The following TMA16 variants were observed in gnomAD, a reference collection of about 807,000 sequenced individuals.
TMA16 encodes translation machinery associated 16 homolog, also known as translation machinery-associated protein 16.
Under a neutral mutation model 27.1 loss-of-function variants are expected in TMA16, and 26 were observed. The observed-to-expected ratio is 0.96, with a 90% confidence interval of 0.70 to 1.33. The LOEUF is 1.33. Among genes scored for constraint, TMA16 ranks in the 40% most tolerant of loss-of-function variants. The probability of loss-of-function intolerance (pLI) is 0.00; values close to 1 mark genes in which losing one functional copy is unlikely to be tolerated. For synonymous variants in TMA16, 71 were observed against 81.9 expected, an observed-to-expected ratio of 0.87 and a Z score of 0.72; for missense variants, 233 against 241.4, an observed-to-expected ratio of 0.97 and a Z score of 0.23.
chr4:163,518,093 G>A (rs1046022691), intron 6 of TMA16, among the ~76,000 whole-genome samples: 8 of 152,028 alleles, frequency 5.3e-5, no homozygotes, highest in Non-Finnish European at 1.0e-4. Context: ...CAGGTAGTGA[G>A]CATAGCACCC....
intron 1 of TMA16, among the ~76,000 whole-genome samples, chr4:163,495,339 AAGC>A (rs1291316253): frequency 6.6e-6 from 1 of 152,198 alleles, no homozygotes; most frequent in East Asian, 1.9e-4. Context: ...AGTGTTACTA[AAGC>A]ACATTTCAAG....
chr4:163,502,522 A>G (rs745567902), intron 1 of TMA16, among the ~76,000 whole-genome samples: 7 of 152,184 alleles, frequency 4.6e-5, no homozygotes, highest in African/African-American at 9.6e-5. Context: ...AGTGCAGTAC[A>G]TTATTAGGTG....
chr4:163,510,390 C>A (rs969410998), intron 2 of TMA16, among the ~76,000 whole-genome samples: 1 of 152,124 alleles, frequency 6.6e-6, no homozygotes, highest in Non-Finnish European at 1.5e-5. Flanking sequence ...CAGTCCTCAC[C>A]CTCTACCCCT....
At chr4:163,498,209 A>G (rs1737589847) in intron 1 of TMA16, among the ~76,000 whole-genome samples, 1 of 151,910 alleles carries the variant, frequency 6.6e-6, no homozygotes, top group African/African-American at 2.4e-5. Context: ...ATACTGCTGC[A>G]TTGATTATTT....
chr4:163,506,700 T>G (rs931102140), intron 1 of TMA16, among the ~76,000 whole-genome samples: 6 of 152,166 alleles, frequency 3.9e-5, no homozygotes, highest in African/African-American at 7.2e-5. Flanking sequence ...GTAACAAATT[T>G]CTGGCTGTGA....
intron 1 of TMA16, among the ~76,000 whole-genome samples, chr4:163,501,757 A>G (rs1484722569): frequency 1.3e-5 from 2 of 152,190 alleles, no homozygotes; most frequent in Non-Finnish European, 1.5e-5. Context: ...TCTGATTTAA[A>G]CATTAACTTC....
chr4:163,504,032 GA>G (rs1198068139), intron 1 of TMA16, among the ~76,000 whole-genome samples: 1 of 152,118 alleles, frequency 6.6e-6, no homozygotes. Flanking sequence ...AAGCTATGAG[GA>G]CGTTTTTATA....
At chr4:163,518,313 T>C (rs2110816189) in intron 6 of TMA16, among the ~76,000 whole-genome samples, 1 of 152,320 alleles carries the variant, frequency 6.6e-6, no homozygotes, top group South Asian at 2.1e-4. Context: ...ATACCCTTCT[T>C]GATAGCAGCC....
At chr4:163,500,915 G>GC (rs1405855461) in intron 1 of TMA16, among the ~76,000 whole-genome samples, 1 of 152,186 alleles carries the variant, frequency 6.6e-6, no homozygotes, top group Non-Finnish European at 1.5e-5. Flanking sequence ...AAGATAGAAG[G>GC]CAAGTACTAT....
Position 163,519,357 on chromosome 4 carries a change from A to C in TMA16, c.455A>C (p.Lys152Thr). ...AGGGAATGGGACTTTGATCTGAAGA[A>C]ATTACCAAACATTAAAATGAGAAAA... ...TFREWDFDLKKLPNIKMRKIC... is the reference protein window; with the variant it reads ...TFREWDFDLKTLPNIKMRKIC... The change falls in exon 7 of 7, where the codon AAA (lysine) becomes ACA (threonine). Residue 152 changes from lysine (K) to threonine (T), a missense_variant. Coordinates refer to ENST00000358572, the MANE Select transcript of TMA16 (RefSeq NM_018352.3). The C allele has an allele frequency of 6.3e-7, 1 of 1,596,696 alleles. No homozygotes were observed. Among genetic ancestry groups the C allele is most frequent in the Non-Finnish European group, 8.5e-7 (1 of 1,173,868 alleles).
At chr4:163,508,938 A>G (rs1392460344) in intron 2 of TMA16, among the ~76,000 whole-genome samples, 1 of 152,178 alleles carries the variant, frequency 6.6e-6, no homozygotes, top group African/African-American at 2.4e-5. Flanking sequence ...AATTCTGTTT[A>G]TTGGCCAAGA....
chr4:163,507,809 ATGAAG>A (rs67661094), intron 2 of TMA16, among the ~76,000 whole-genome samples: 113 of 152,232 alleles, frequency 7.4e-4, no homozygotes, highest in Non-Finnish European at 1.0e-3. Context: ...ATTCCTTAAA[ATGAAG>A]TGAAGTTCAA....
At chr4:163,514,036 C>T in intron 3 of TMA16, 38 bp from the exon 4 acceptor site, 2 of 1,475,388 alleles carry the variant, frequency 1.4e-6, no homozygotes, top group Non-Finnish European at 1.9e-6. Context: ...TAAATGATGA[C>T]TTGTGGGGTA....
intron 1 of TMA16, among the ~76,000 whole-genome samples, chr4:163,500,254 A>C (rs995446455): frequency 2.3e-4 from 32 of 137,920 alleles, no homozygotes; most frequent in African/African-American, 9.0e-4. Flanking sequence ...TCTGTCACCC[A>C]GGCTGGAGTA....
At chr4:163,517,284 C>T (rs1168371871) in intron 5 of TMA16, 150 bp from the exon 6 acceptor site, 2 of 671,822 alleles carry the variant, frequency 3.0e-6, no homozygotes, top group South Asian at 1.8e-5. Context: ...TAAACTAACC[C>T]CTTTTGCAAA....
At chr4:163,494,826 C>G (rs947702363) in intron 1 of TMA16, 22 bp downstream of exon 1, 2 of 1,611,084 alleles carry the variant, frequency 1.2e-6, no homozygotes, top group South Asian at 1.1e-5. Context: ...CCTGCTCCCC[C>G]GAACCGCTCG....
At chr4:163,517,968 T>A (rs1172975176) in intron 6 of TMA16, among the ~76,000 whole-genome samples, 3 of 126,876 alleles carry the variant, frequency 2.4e-5, no homozygotes, top group African/African-American at 7.7e-5. Context: ...TTCGATTTTT[T>A]AGGTTTTTTT....
At chr4:163,497,611 C>T (rs1483559550) in intron 1 of TMA16, among the ~76,000 whole-genome samples, 1 of 152,184 alleles carries the variant, frequency 6.6e-6, no homozygotes, top group African/African-American at 2.4e-5. Context: ...TCAAATCCAG[C>T]AGCATGGCAT....
At chr4:163,507,222 T>TA in intron 2 of TMA16, 77 bp downstream of exon 2, 1 of 1,221,302 alleles carries the variant, frequency 8.2e-7, no homozygotes, top group Middle Eastern at 1.9e-4. Flanking sequence ...ACATATATCC[T>TA]TTCACAGTAT....
Sources: allele counts gnomAD v4.1 joint callset (sites outside exome capture counted in the v4.1 genomes callset), GRCh38; gene constraint gnomAD v4.1.1; transcripts MANE v1.5; gene names NCBI Gene and HGNC (gene_info 2026-07-23, HGNC 2026-07-21).